PDILT: variants seen among roughly 807,000 people sequenced by gnomAD.
PDILT encodes protein disulfide-isomerase-like protein of the testis.
In PDILT, 43 loss-of-function variants were observed where a neutral mutation model predicts 53.7. The observed-to-expected ratio is 0.80, with a 90% CI of 0.63 to 1.03. The LOEUF (loss-of-function observed/expected upper bound fraction) is 1.03. PDILT is among the 50% of genes least tolerant of loss of function. PDILT has a pLI of 0.00. For synonymous variants in PDILT, 282 were observed against 274.2 expected (o/e 1.03, Z -0.28); for missense variants, 727 against 712.3 (o/e 1.02, Z -0.24).
At chr16:20,376,845 G>T (rs182188833) in intron 3 of PDILT, among the ~76,000 whole-genome samples, 3 of 152,292 alleles carry the variant, frequency 2.0e-5, no homozygotes, top group South Asian at 2.1e-4. Flanking sequence ...CTATATCTGG[G>T]AAGACAAATT....
intron 8 of PDILT, 136 bp from the exon 9 acceptor site, chr16:20,365,676 C>T (rs1033079904): frequency 1.3e-5 from 15 of 1,123,258 alleles, no homozygotes; most frequent in Non-Finnish European, 1.8e-5. Flanking sequence ...GTTTGAAATA[C>T]TGAGATGGAT....
At chr16:20,400,068 A>AT (rs1432653493) in intron 1 of PDILT, among the ~76,000 whole-genome samples, 18 of 109,570 alleles carry the variant, frequency 1.6e-4, no homozygotes, top group Non-Finnish European at 2.4e-4. Context: ...ATATATATAT[A>AT]TATATTTTTT....
At chr16:20,373,651 C>T (rs1966340059) in intron 5 of PDILT, among the ~76,000 whole-genome samples, 1 of 152,250 alleles carries the variant, frequency 6.6e-6, no homozygotes, top group South Asian at 2.1e-4. Flanking sequence ...ATAGCCTACA[C>T]TTGTGCCAAT....
At position 20,395,986 on chromosome 16, in the gene PDILT, T is replaced by A. The variant is rs2141620875; in HGVS notation, c.202+3113A>T. The stretch of plus-strand genomic sequence containing the variant: ...TTACCCAGCCTCAGGTATTCCTTTG[T>A]AGCAACACAAACAGACAAAGACATC... On this transcript the variant is annotated intron_variant, in intron 2 of 11. Transcript: ENST00000302451. Among the ~76,000 whole-genome samples, 2 of 152,350 alleles carry A rather than the reference T, an allele frequency of 1.3e-5. 1 individual carries two copies. The highest frequency in any genetic ancestry group is 4.1e-4 in the South Asian group (2 of 4,822).
intron 2 of PDILT, among the ~76,000 whole-genome samples, chr16:20,397,198 T>C (rs961697835): frequency 2.0e-5 from 3 of 152,190 alleles, no homozygotes; most frequent in African/African-American, 7.2e-5. Flanking sequence ...TGCAGTGGCA[T>C]GATCACGGGT....
At chr16:20,371,244 T>C (rs573465808) in intron 7 of PDILT, among the ~76,000 whole-genome samples, 2 of 152,280 alleles carry the variant, frequency 1.3e-5, no homozygotes, top group South Asian at 2.1e-4. Flanking sequence ...CTGAATATAA[T>C]AGTGGGCCAC....
intron 1 of PDILT, among the ~76,000 whole-genome samples, chr16:20,402,359 C>T (rs773474578): frequency 3.3e-5 from 5 of 149,986 alleles, no homozygotes; most frequent in East Asian, 3.9e-4. Context: ...AATGCAGTGG[C>T]GCGATCTCGG....
intron 1 of PDILT, among the ~76,000 whole-genome samples, chr16:20,403,319 T>G (rs553464416): frequency 6.6e-6 from 1 of 152,182 alleles, no homozygotes; most frequent in Admixed American, 6.5e-5. Context: ...GACAGAGTTT[T>G]GCTCTTGTTG....
intron 3 of PDILT, among the ~76,000 whole-genome samples, chr16:20,380,256 T>C (rs1437066134): frequency 6.6e-6 from 1 of 152,224 alleles, no homozygotes; most frequent in African/African-American, 2.4e-5. Flanking sequence ...CCTGTTCAAT[T>C]CTCAGTTGGT....
At chr16:20,402,952 T>C (rs1037570616) in intron 1 of PDILT, among the ~76,000 whole-genome samples, 1 of 152,182 alleles carries the variant, frequency 6.6e-6, no homozygotes, top group Admixed American at 6.5e-5. Context: ...CTCCGCTGTG[T>C]CCCCCAGCCT....
rs1052413233 is a variant in PDILT at position 20,362,268 on chromosome 16, G to A, written c.1416+136C>T. On this transcript the variant is annotated intron_variant, in intron 10 of 11. Coordinates refer to ENST00000302451, the MANE Select transcript of PDILT (RefSeq NM_174924.2). Reference sequence around the variant, plus strand: ...TGGAAAATAATCTTTGAACTTGAATGTGAGAGGATGGATAGTGGCTACAGC... The same window carrying A: ...TGGAAAATAATCTTTGAACTTGAATATGAGAGGATGGATAGTGGCTACAGC... The A allele has an allele frequency of 6.7e-6, 6 of 892,530 alleles. No individual in the cohort carries two copies. The African/African-American group carries it at 6.8e-5, about 10-fold the overall frequency. The allele number at this position is 892,530 out of a possible 1,614,324, so 55.3% of individuals were successfully genotyped here.
At position 20,365,466 on chromosome 16, in the gene PDILT, G is replaced by A. The variant is rs147460670; in HGVS notation, c.1191C>T (p.Phe397=). The change falls in exon 9 of 12, where the codon TTC becomes TTT. Residue 397 remains phenylalanine, a synonymous_variant. Transcript: ENST00000302451. The stretch of plus-strand genomic sequence containing the variant: ...TTTCTTTGTCAAAGACGACTACGTT[G>A]AAGTTCTTCCCCACGAGCTGCTTAA... ...GLVKQLVGKN[F]NVVVFDKEKD... is the part of the protein sequence containing the mutation. 1.2e-6 allele frequency: 2 copies of A among 1,613,958 alleles called. No individual in the cohort carries two copies. The highest frequency in any genetic ancestry group is 3.3e-5 in the Admixed American group (2 of 60,020).
At chr16:20,396,371 T>C (rs1224255685) in intron 2 of PDILT, among the ~76,000 whole-genome samples, 1 of 152,234 alleles carries the variant, frequency 6.6e-6, no homozygotes. Flanking sequence ...TAAGAGAGAT[T>C]CTTTAGAACT....
At chr16:20,380,982 TGC>T (rs771589463) in intron 3 of PDILT, among the ~76,000 whole-genome samples, 2 of 152,228 alleles carry the variant, frequency 1.3e-5, no homozygotes, top group Non-Finnish European at 2.9e-5. Context: ...CTTGGCTCTG[TGC>T]CAGAGGACAC....
intron 3 of PDILT, 139 bp downstream of exon 3, chr16:20,384,506 A>C: frequency 9.9e-7 from 1 of 1,012,454 alleles, no homozygotes; most frequent in Non-Finnish European, 1.5e-6. Context: ...CCAAGGCCCT[A>C]GAGAAGGGCA....
At chr16:20,388,125 C>A (rs917608276) in intron 2 of PDILT, among the ~76,000 whole-genome samples, 1 of 152,030 alleles carries the variant, frequency 6.6e-6, no homozygotes, top group African/African-American at 2.4e-5. Context: ...ATCTGAGTGA[C>A]ATAGGATTAT....
intron 2 of PDILT, among the ~76,000 whole-genome samples, chr16:20,387,329 A>G (rs2141613469): frequency 6.6e-6 from 1 of 152,332 alleles, no homozygotes; most frequent in African/African-American, 2.4e-5. Context: ...GCAATGTTTT[A>G]ATAAAGATGG....
chr16:20,381,080 C>G (rs1387908047), intron 3 of PDILT, among the ~76,000 whole-genome samples: 1 of 152,216 alleles, frequency 6.6e-6, no homozygotes, highest in Non-Finnish European at 1.5e-5. Context: ...ACTGTGGCTG[C>G]ATCATTAATA....
At chr16:20,367,094 TCTTTCTTTCTTC>T (rs1398281143) in intron 8 of PDILT, among the ~76,000 whole-genome samples, 37 of 106,148 alleles carry the variant, frequency 3.5e-4, no homozygotes, top group African/African-American at 1.4e-3. Flanking sequence ...TTTCTTTCTT[TCTTTCTTTCTTC>T]CTTTCTTTCC....
Sources: allele counts gnomAD v4.1 joint callset (sites outside exome capture counted in the v4.1 genomes callset), GRCh38; gene constraint gnomAD v4.1.1; transcripts MANE v1.5; gene names NCBI Gene and HGNC (gene_info 2026-07-23, HGNC 2026-07-21).